TAFA1: variants seen among roughly 807,000 people sequenced by gnomAD.
The protein encoded by TAFA1 is TAFA chemokine like family member 1.
In TAFA1, 4 loss-of-function variants were observed where a neutral mutation model predicts 18.5. That is an observed-to-expected ratio of 0.22 (90% CI 0.11 to 0.49). TAFA1 has a LOEUF of 0.49. TAFA1 is among the 20% of genes least tolerant of loss of function. The probability of loss-of-function intolerance (pLI) is 0.98; values close to 1 mark genes in which losing one functional copy is unlikely to be tolerated. For missense variants in TAFA1, 147 were observed against 169.0 expected, an observed-to-expected ratio of 0.87 and a Z score of 0.72; for synonymous variants, 56 against 55.2, an observed-to-expected ratio of 1.01 and a Z score of -0.06.
At chr3:68,175,172 G>A (rs1347389090) in intron 2 of TAFA1, among the ~76,000 whole-genome samples, 2 of 152,220 alleles carry the variant, frequency 1.3e-5, no homozygotes, top group Non-Finnish European at 2.9e-5. Flanking sequence ...CCAGGCAGAA[G>A]TTTGCTGCAG....
intron 2 of TAFA1, among the ~76,000 whole-genome samples, chr3:68,089,654 A>T (rs1411205617): frequency 1.3e-5 from 2 of 152,074 alleles, no homozygotes; most frequent in Non-Finnish European, 2.9e-5. Flanking sequence ...GACTCTGCCA[A>T]CTCCAATCTT....
intron 2 of TAFA1, among the ~76,000 whole-genome samples, chr3:68,141,883 A>C (rs969895007): frequency 1.3e-5 from 2 of 152,176 alleles, no homozygotes; most frequent in African/African-American, 4.8e-5. Context: ...GCTTTGGTTA[A>C]CTTCAGTCAT....
chr3:68,468,185 T>G (rs1441503313), intron 3 of TAFA1, among the ~76,000 whole-genome samples: 1 of 152,198 alleles, frequency 6.6e-6, no homozygotes. Context: ...TTTAAGGATA[T>G]GCATCTAACA....
chr3:68,241,029 G>A (rs545932631), intron 2 of TAFA1, among the ~76,000 whole-genome samples: 441 of 152,132 alleles, frequency 2.9e-3, no homozygotes, highest in African/African-American at 0.01. Flanking sequence ...TGAGATTGGG[G>A]AAAAACACCA....
chr3:68,276,154 A>G (rs1393062966), intron 2 of TAFA1, among the ~76,000 whole-genome samples: 1 of 150,996 alleles, frequency 6.6e-6, no homozygotes, highest in Non-Finnish European at 1.5e-5. Flanking sequence ...TTAATAACCC[A>G]ACTAAAAAAA....
chr3:68,178,993 C>T lies in TAFA1; in HGVS notation c.118+172249C>T, dbSNP rs559150817. ...TAGCCAGTGAATTCTGTGATAAACT[C>T]GGAGATATTGTATGTTTTTACTGTT... On this transcript the variant is annotated intron_variant, in intron 2 of 4. Transcript: ENST00000478136. Among the ~76,000 whole-genome samples the T allele has an allele frequency of 7.9e-5, 12 of 152,184 alleles. No individual in the cohort carries two copies. The East Asian group carries it at 1.4e-3, about 17-fold the overall frequency.
chr3:68,120,198 T>TTTCTTTCTTTCC (rs2065377064), intron 2 of TAFA1, among the ~76,000 whole-genome samples: 1 of 82,848 alleles, frequency 1.2e-5, no homozygotes, highest in Non-Finnish European at 2.4e-5. Context: ...TCTTTCTTTC[T>TTTCTTTCTTTCC]TTCTTTCTTT....
intron 3 of TAFA1, among the ~76,000 whole-genome samples, chr3:68,464,028 C>T (rs1469998840): frequency 6.6e-6 from 1 of 152,132 alleles, no homozygotes; most frequent in Non-Finnish European, 1.5e-5. Context: ...TTTGAATCAA[C>T]ATACTCTTGA....
chr3:68,499,753 A>T (rs2072625113), intron 3 of TAFA1, among the ~76,000 whole-genome samples: 1 of 151,888 alleles, frequency 6.6e-6, no homozygotes, highest in Admixed American at 6.6e-5. Context: ...AATATCTCAC[A>T]GGTAGTTATT....
chr3:68,131,292 T>C (rs187044695), intron 2 of TAFA1, among the ~76,000 whole-genome samples: 2 of 152,230 alleles, frequency 1.3e-5, no homozygotes, highest in Non-Finnish European at 2.9e-5. Context: ...CCTCTTGCCA[T>C]AATCATCTCT....
At chr3:68,035,526 C>T (rs1439610721) in intron 2 of TAFA1, among the ~76,000 whole-genome samples, 1 of 151,812 alleles carries the variant, frequency 6.6e-6, no homozygotes, top group Non-Finnish European at 1.5e-5. Context: ...ATTAGAATGG[C>T]AAAAATAAAA....
chr3:68,536,308 T>C (rs2073277836), intron 3 of TAFA1, among the ~76,000 whole-genome samples: 1 of 152,158 alleles, frequency 6.6e-6, no homozygotes, highest in South Asian at 2.1e-4. Flanking sequence ...GAGAGAATTT[T>C]AATGTGCTCC....
At chr3:68,438,799 T>A (rs918418781) in intron 3 of TAFA1, among the ~76,000 whole-genome samples, 1 of 152,116 alleles carries the variant, frequency 6.6e-6, no homozygotes, top group Admixed American at 6.5e-5. Flanking sequence ...ACACCAAAGT[T>A]TATGGCTTGC....
chr3:68,148,650 T>C (rs2065770876), intron 2 of TAFA1, among the ~76,000 whole-genome samples: 1 of 152,126 alleles, frequency 6.6e-6, no homozygotes, highest in South Asian at 2.1e-4. Context: ...TGTTCAGCCT[T>C]CCTCCCAACT....
chr3:68,346,918 A>G (rs1391915522), intron 2 of TAFA1, among the ~76,000 whole-genome samples: 1 of 152,194 alleles, frequency 6.6e-6, no homozygotes, highest in Non-Finnish European at 1.5e-5. Flanking sequence ...GTATCATGAC[A>G]TATAACCTAA....
At chr3:68,269,640 G>T (rs1197812320) in intron 2 of TAFA1, among the ~76,000 whole-genome samples, 2 of 152,130 alleles carry the variant, frequency 1.3e-5, no homozygotes, top group East Asian at 3.9e-4. Flanking sequence ...AATAACTTTT[G>T]GCCAGGAGTG....
chr3:68,433,784 G>T (rs145723760), intron 3 of TAFA1, among the ~76,000 whole-genome samples: 1,800 of 152,228 alleles, frequency 0.012, 141 homozygotes, highest in Admixed American at 0.11. Context: ...TATAAGAAAT[G>T]CATGTAGAGC....
At chr3:68,113,041 G>C (rs1333477485) in intron 2 of TAFA1, among the ~76,000 whole-genome samples, 1 of 151,988 alleles carries the variant, frequency 6.6e-6, no homozygotes, top group African/African-American at 2.4e-5. Flanking sequence ...TAACTTGGCA[G>C]GTAGAATTTT....
intron 3 of TAFA1, among the ~76,000 whole-genome samples, chr3:68,534,025 A>T (rs555398137): frequency 5.2e-4 from 79 of 152,164 alleles, no homozygotes; most frequent in Middle Eastern, 3.2e-3. Flanking sequence ...TTTTACCCGT[A>T]TATATATGTC....
Sources: gnomAD v4.1 joint callset for allele counts (sites outside exome capture counted in the v4.1 genomes callset) on GRCh38, gnomAD v4.1.1 for gene constraint, MANE v1.5 for transcripts, NCBI Gene and HGNC (gene_info 2026-07-23, HGNC 2026-07-21) for gene names.